MCC: variants seen among roughly 807,000 people sequenced by gnomAD.
MCC encodes colorectal mutant cancer protein.
Under a neutral mutation model 116.2 loss-of-function variants are expected in MCC, and 90 were observed. The observed-to-expected ratio is 0.77, with a 90% CI of 0.65 to 0.92. The LOEUF is 0.92. MCC is among the 40% of genes least tolerant of loss of function. MCC has a pLI of 0.00. For missense variants in MCC, 1,516 were observed against 1,312.2 expected (o/e 1.16, Z -2.40); for synonymous variants, 578 against 510.5 (o/e 1.13, Z -1.78).
At chr5:113,198,026 G>C (rs993585021) in intron 3 of MCC, among the ~76,000 whole-genome samples, 1 of 152,232 alleles carries the variant, frequency 6.6e-6, no homozygotes, top group African/African-American at 2.4e-5. Context: ...GTAAGAACTG[G>C]TGGCCAGCCA....
intron 2 of MCC, among the ~76,000 whole-genome samples, chr5:113,362,350 T>C (rs1293443610): frequency 6.6e-6 from 1 of 152,148 alleles, no homozygotes; most frequent in East Asian, 1.9e-4. Flanking sequence ...TACTTATAAA[T>C]TTGTCGAGAC....
intron 3 of MCC, among the ~76,000 whole-genome samples, chr5:113,158,521 C>T (rs1760301426): frequency 2.0e-5 from 3 of 152,176 alleles, no homozygotes; most frequent in African/African-American, 7.2e-5. Flanking sequence ...TCCAGGTCAC[C>T]AGGCAGTAAT....
At chr5:113,364,094 G>A (rs1247201679) in intron 2 of MCC, among the ~76,000 whole-genome samples, 1 of 152,016 alleles carries the variant, frequency 6.6e-6, no homozygotes, top group Non-Finnish European at 1.5e-5. Flanking sequence ...AGCTGGGCAT[G>A]GTGGTGGGTG....
intron 17 of MCC, among the ~76,000 whole-genome samples, chr5:113,041,930 G>A (rs577834270): frequency 3.9e-5 from 6 of 152,252 alleles, no homozygotes; most frequent in East Asian, 1.9e-4. Flanking sequence ...CTGGGAGACC[G>A]AGATTGCAGT....
intron 3 of MCC, among the ~76,000 whole-genome samples, chr5:113,243,329 G>A (rs67550282): frequency 0.16 from 24,275 of 151,998 alleles, 2,285 homozygotes; most frequent in Admixed American, 0.29. Context: ...AACTCACAGG[G>A]CAACAAAGCT....
chr5:113,212,732 C>T (rs1763178121), intron 3 of MCC, among the ~76,000 whole-genome samples: 1 of 152,198 alleles, frequency 6.6e-6, no homozygotes, highest in South Asian at 2.1e-4. Context: ...CACCTAAATA[C>T]AACACTGGGT....
At chr5:113,067,567 TG>T (rs1392124692) in intron 13 of MCC, among the ~76,000 whole-genome samples, 1 of 151,996 alleles carries the variant, frequency 6.6e-6, no homozygotes, top group Non-Finnish European at 1.5e-5. Context: ...ACCTAGGAGG[TG>T]GAGGTTGCAG....
intron 3 of MCC, among the ~76,000 whole-genome samples, chr5:113,192,131 G>A (rs1434762195): frequency 6.6e-6 from 1 of 152,136 alleles, no homozygotes; most frequent in African/African-American, 2.4e-5. Context: ...GCTGGGGCTA[G>A]TGCCACATGC....
chr5:113,045,985 C>A (rs1046637168), intron 16 of MCC, among the ~76,000 whole-genome samples: 5 of 152,034 alleles, frequency 3.3e-5, no homozygotes, highest in Admixed American at 2.6e-4. Flanking sequence ...GTGCTGACCC[C>A]TTCTCTAGAT....
chr5:113,435,375 G>T (rs1770820005), intron 1 of MCC, among the ~76,000 whole-genome samples: 1 of 151,646 alleles, frequency 6.6e-6, no homozygotes, highest in East Asian at 1.9e-4. Context: ...CCCCTGGCCT[G>T]CATAGAAAAG....
chr5:113,277,953 G>A (rs1384905445), intron 3 of MCC, among the ~76,000 whole-genome samples: 1 of 152,108 alleles, frequency 6.6e-6, no homozygotes, highest in Non-Finnish European at 1.5e-5. Context: ...AACTCAGAAT[G>A]CCCAAATCTA....
intron 11 of MCC, among the ~76,000 whole-genome samples, chr5:113,076,993 C>G (rs1754502412): frequency 6.6e-6 from 1 of 152,250 alleles, no homozygotes; most frequent in South Asian, 2.1e-4. Context: ...CAAAAAGAAG[C>G]AGGGGTTGCA....
chr5:113,383,338 G>C (rs1769170916), intron 2 of MCC, among the ~76,000 whole-genome samples: 1 of 152,108 alleles, frequency 6.6e-6, no homozygotes, highest in African/African-American at 2.4e-5. Flanking sequence ...CAGCTTAGCA[G>C]AAAAAATTCC....
chr5:113,434,472 G>A lies in MCC; in HGVS notation c.171-49260C>T. 6.2e-7 allele frequency: 1 copy of A among 1,613,618 alleles called. No homozygotes were observed. Among genetic ancestry groups the A allele is most frequent in the South Asian group, 1.1e-5 (1 of 91,036 alleles). On this transcript the variant is annotated intron_variant, in intron 1 of 18. Transcript: ENST00000408903. The surrounding 1 kb of genome is among the most constrained non-coding windows in gnomAD (Gnocchi z 4.2). ...GTCCAGGTCGTGGCAGTACTTGATG[G>A]CCAAGGAAAGCTGGTGGAACTTCTT...
intron 17 of MCC, among the ~76,000 whole-genome samples, chr5:113,029,836 C>G (rs775586932): frequency 6.6e-6 from 1 of 152,212 alleles, no homozygotes; most frequent in Non-Finnish European, 1.5e-5. Flanking sequence ...CAGTGTTACT[C>G]CACTTAGTAG....
At chr5:113,273,275 T>A (rs1377630643) in intron 3 of MCC, among the ~76,000 whole-genome samples, 2 of 152,196 alleles carry the variant, frequency 1.3e-5, no homozygotes, top group Non-Finnish European at 2.9e-5. Flanking sequence ...TTCCCTTTTC[T>A]AACAAAATAT....
chr5:113,324,324 T>A (rs1317037032), intron 3 of MCC, among the ~76,000 whole-genome samples: 2 of 152,188 alleles, frequency 1.3e-5, no homozygotes, highest in Non-Finnish European at 2.9e-5. Context: ...GCATGATTTT[T>A]AAAAATATAT....
rs12187343 is a variant in MCC at position 113,196,179 on chromosome 5, A to G, written c.628-44757T>C. On this transcript the variant is annotated intron_variant, in intron 3 of 18. Coordinates refer to ENST00000408903, the MANE Select transcript of MCC (RefSeq NM_001085377.2). ...GGTGAGATACCGTAAGTAATGGGAA[A>G]TATCTTCATTCCCATCTCCCTTGCT... Among the ~76,000 whole-genome samples the G allele has an allele frequency of 1.8e-3, 269 of 152,282 alleles. 1 individual carries two copies. Among genetic ancestry groups the G allele is most frequent in the African/African-American group, 6.3e-3 (261 of 41,554 alleles).
chr5:113,447,040 T>C (rs1021185347), intron 1 of MCC, among the ~76,000 whole-genome samples: 5 of 152,188 alleles, frequency 3.3e-5, no homozygotes, highest in African/African-American at 1.2e-4. Flanking sequence ...AATTGACCCT[T>C]TCTCCCTGAG....
Sources: gnomAD v4.1 joint callset for allele counts (sites outside exome capture counted in the v4.1 genomes callset) on GRCh38, gnomAD v4.1.1 for gene constraint, Gnocchi (gnomAD v3.1) non-coding constraint, MANE v1.5 for transcripts, NCBI Gene and HGNC (gene_info 2026-07-23, HGNC 2026-07-21) for gene names.